Variants in RUVBL1 observed in about 807,000 individuals in gnomAD.
RUVBL1 encodes ruvB-like 1.
Under a neutral mutation model 52.4 loss-of-function variants are expected in RUVBL1, and 4 were observed. The ratio of observed to expected loss-of-function variants is 0.08; its 90% confidence interval spans 0.04 to 0.17. The LOEUF (loss-of-function observed/expected upper bound fraction) is 0.17, where lower values mean the gene tolerates loss of function less well. Ranked by LOEUF, RUVBL1 falls within the 10% of genes least tolerant of loss-of-function variation. RUVBL1 has a pLI of 1.00. For missense variants in RUVBL1, 298 were observed against 572.8 expected, an observed-to-expected ratio of 0.52 and a Z score of 4.90; for synonymous variants, 217 against 214.4, an observed-to-expected ratio of 1.01 and a Z score of -0.10.
At chr3:128,080,465 A>C (rs533647192), downstream of RUVBL1, among the ~76,000 whole-genome samples, 2 of 152,216 alleles carry the variant, frequency 1.3e-5, no homozygotes, top group Non-Finnish European at 2.9e-5. Context: ...ACATGACCTC[A>C]GCCAAAGGGT....
intron 3 of RUVBL1, among the ~76,000 whole-genome samples, chr3:128,106,878 G>C (rs1024267627): frequency 2.0e-5 from 3 of 152,152 alleles, no homozygotes; most frequent in Non-Finnish European, 4.4e-5. Context: ...CATTAACTTG[G>C]GGAAGGAAGG....
Position 128,067,838 on chromosome 3 carries a change from T to C in RUVBL1, c.940-2618A>G. On this transcript the variant is annotated intron_variant, in intron 9 of 9. Transcript: ENST00000464873. This position sits in a 1 kb window ranked among gnomAD's most constrained non-coding sequence, Gnocchi z 4.1. The stretch of plus-strand genomic sequence containing the variant: ...CACTGTAAAGTTAGACTTTTTCATA[T>C]GACTTCCTTGCGGCAGTTTTAAAGT... 3 of 743,234 alleles carry C rather than the reference T, an allele frequency of 4.0e-6. No individual in the cohort carries two copies. The highest frequency in any genetic ancestry group is 6.9e-6 in the Non-Finnish European group (3 of 431,978). 46.0% of individuals were successfully genotyped at this position (743,234 alleles called of 1,614,324 possible). A position where few individuals can be genotyped will look rare whatever the true frequency, so the allele number is the denominator to read the frequency against.
chr3:128,066,918 G>A, intron 9 of RUVBL1: 1 of 1,605,490 alleles, frequency 6.2e-7, no homozygotes, highest in East Asian at 2.2e-5. Flanking sequence ...CTGAAATGAG[G>A]CAGTGAAGGG....
At chr3:128,137,738 A>C (rs919692978) in intron 1 of RUVBL1, among the ~76,000 whole-genome samples, 1 of 152,218 alleles carries the variant, frequency 6.6e-6, no homozygotes, top group African/African-American at 2.4e-5. Flanking sequence ...TATCAAAAGA[A>C]GAAAAGACAA....
At chr3:128,123,871 TC>T (rs1943722119), upstream of RUVBL1, 2 of 1,337,650 alleles carry the variant, frequency 1.5e-6, no homozygotes, top group South Asian at 1.9e-5. Context: ...CGGGAACACC[TC>T]CGCTCTCCAT....
Position 128,082,470 on chromosome 3 carries a change from G to A in RUVBL1, c.1211+13C>T, listed in dbSNP as rs1277862790. 3 of 1,610,432 alleles carry A rather than the reference G, an allele frequency of 1.9e-6. No individual in the cohort carries two copies. The South Asian group carries it at 3.3e-5, about 18-fold the overall frequency. ...GCTGGGGAGGCCCCGGCGGGCCCAG[G>A]GTACCAGCTCACCTCAGTGTGGTCT... On this transcript the variant is annotated intron_variant, in intron 10 of 10. Coordinates refer to ENST00000322623, the MANE Select transcript of RUVBL1 (RefSeq NM_003707.3). This position sits in a 1 kb window ranked among gnomAD's most constrained non-coding sequence, Gnocchi z 4.7.
intron 9 of RUVBL1, chr3:128,065,231 C>T (rs1345874424): frequency 4.4e-6 from 3 of 688,214 alleles, no homozygotes; most frequent in African/African-American, 1.8e-5. Context: ...CTGCCATTAA[C>T]GAAACAAAAT....
At chr3:128,108,899 T>C (rs931326956) in intron 3 of RUVBL1, among the ~76,000 whole-genome samples, 2 of 152,176 alleles carry the variant, frequency 1.3e-5, no homozygotes, top group Non-Finnish European at 2.9e-5. Context: ...GTACACTGCA[T>C]GTAATCACAT....
intron 9 of RUVBL1, chr3:128,070,952 G>C (rs1360043413): frequency 6.6e-6 from 1 of 152,276 alleles, no homozygotes; most frequent in Non-Finnish European, 1.5e-5. Flanking sequence ...TCGAGGTTTC[G>C]AGCTGGCTTT....
chr3:128,078,312 C>G (rs1942385376), downstream of RUVBL1, among the ~76,000 whole-genome samples: 1 of 152,260 alleles, frequency 6.6e-6, no homozygotes, highest in Admixed American at 6.5e-5. Context: ...TCCTACCAAT[C>G]AATCTGGCAG....
At chr3:128,116,419 C>T (rs922456880) in intron 2 of RUVBL1, among the ~76,000 whole-genome samples, 1 of 151,884 alleles carries the variant, frequency 6.6e-6, no homozygotes, top group Non-Finnish European at 1.5e-5. Context: ...ATCCCAGCTA[C>T]CCAGGAGGCT....
chr3:128,152,710 A>G (rs754774595), intron 1 of RUVBL1, among the ~76,000 whole-genome samples: 20 of 152,120 alleles, frequency 1.3e-4, no homozygotes, highest in Non-Finnish European at 2.8e-4. Flanking sequence ...GACTTCAAGA[A>G]TGGAGCCGCG....
At chr3:128,141,255 C>G (rs1049203661) in intron 1 of RUVBL1, among the ~76,000 whole-genome samples, 7 of 152,212 alleles carry the variant, frequency 4.6e-5, no homozygotes, top group African/African-American at 1.7e-4. Context: ...ACAGAGGGGT[C>G]TGTCCTGATG....
intron 9 of RUVBL1, chr3:128,083,101 TC>T (rs1204044114): frequency 2.6e-5 from 4 of 154,400 alleles, no homozygotes; most frequent in Admixed American, 6.3e-5. Context: ...CCGGGAGATA[TC>T]TAATCTATCA....
chr3:128,096,259 C>G (rs939872046), intron 8 of RUVBL1, among the ~76,000 whole-genome samples: 2 of 152,202 alleles, frequency 1.3e-5, no homozygotes, highest in African/African-American at 2.4e-5. Flanking sequence ...AGCAATAAAA[C>G]TACCAGGTAC....
intron 4 of RUVBL1, among the ~76,000 whole-genome samples, chr3:128,104,099 A>G (rs959464786): frequency 6.6e-6 from 1 of 152,258 alleles, no homozygotes; most frequent in Non-Finnish European, 1.5e-5. Context: ...GTTGTAAGTA[A>G]CAAAGCCAGG....
At chr3:128,130,539 T>C (rs1189289589) in intron 1 of RUVBL1, among the ~76,000 whole-genome samples, 5 of 149,016 alleles carry the variant, frequency 3.4e-5, no homozygotes, top group Admixed American at 2.0e-4. Flanking sequence ...TGTGGGAGGA[T>C]TGTTTGAGGT....
At chr3:128,096,430 A>T (rs575195219) in intron 8 of RUVBL1, among the ~76,000 whole-genome samples, 80 of 152,304 alleles carry the variant, frequency 5.3e-4, no homozygotes, top group African/African-American at 1.8e-3. Flanking sequence ...CTTGTCTTCC[A>T]GGGGTCAACA....
chr3:128,083,004 G>A (rs1942526792), intron 9 of RUVBL1: 1 of 156,176 alleles, frequency 6.4e-6, no homozygotes, highest in Non-Finnish European at 1.4e-5. Context: ...CAGGCAAGAA[G>A]GGACATTTTT....
Sources: allele counts gnomAD v4.1 joint callset (sites outside exome capture counted in the v4.1 genomes callset), GRCh38; gene constraint gnomAD v4.1.1; non-coding constraint Gnocchi (gnomAD v3.1); transcripts MANE v1.5; gene names NCBI Gene and HGNC (gene_info 2026-07-23, HGNC 2026-07-21).